Variants in NCAM1 observed in about 807,000 individuals in gnomAD.
The protein encoded by NCAM1 is neural cell adhesion molecule 1, also known as antigen recognized by monoclonal antibody 5.1H11.
In NCAM1, 14 loss-of-function variants were observed where a neutral mutation model predicts 109.8. That is an observed-to-expected ratio of 0.13 (90% CI 0.08 to 0.20). The LOEUF is 0.20. NCAM1 is among the 10% of genes least tolerant of loss of function. The pLI is 1.00. For synonymous variants in NCAM1, 418 were observed against 442.9 expected (o/e 0.94, Z 0.70); for missense variants, 774 against 1,109.9 (o/e 0.70, Z 4.30).
intron 1 of NCAM1, among the ~76,000 whole-genome samples, chr11:112,966,005 A>G (rs1051096442): frequency 2.6e-5 from 4 of 152,206 alleles, no homozygotes; most frequent in Non-Finnish European, 4.4e-5. Flanking sequence ...GCTCTCCTGC[A>G]CCAGTTCAGC....
chr11:113,264,404 C>T (rs1946090503), intron 17 of NCAM1: 1 of 985,412 alleles, frequency 1.0e-6, no homozygotes, highest in Non-Finnish European at 1.2e-6. Flanking sequence ...TCAGAGGCTC[C>T]ATGCTGCACA....
intron 1 of NCAM1, among the ~76,000 whole-genome samples, chr11:112,998,328 T>C (rs1951654767): frequency 6.6e-6 from 1 of 152,192 alleles, no homozygotes; most frequent in Admixed American, 6.5e-5. Flanking sequence ...TAGTGTCTGA[T>C]TGAGAGTCCT....
chr11:113,151,449 T>A (rs1235233199), intron 1 of NCAM1, among the ~76,000 whole-genome samples: 1 of 152,196 alleles, frequency 6.6e-6, no homozygotes, highest in East Asian at 1.9e-4. Context: ...CTGGGGAGGC[T>A]GAAAATGACT....
At chr11:113,231,397 G>T (rs1945001285) in intron 9 of NCAM1, 2 of 1,167,160 alleles carry the variant, frequency 1.7e-6, no homozygotes, top group Non-Finnish European at 2.4e-6. Context: ...CTTAGATCAG[G>T]CTGCCTGACA....
At chr11:113,078,888 C>G (rs141833432) in intron 1 of NCAM1, among the ~76,000 whole-genome samples, 1 of 152,270 alleles carries the variant, frequency 6.6e-6, no homozygotes, top group African/African-American at 2.4e-5. Context: ...TGCATGGCAA[C>G]TTGAGTTTTG....
Position 113,207,258 on chromosome 11 carries a change from C to T in NCAM1, c.629-3C>T. The T allele has an allele frequency of 1.2e-6, 2 of 1,610,954 alleles. No homozygotes were observed. Among genetic ancestry groups the T allele is most frequent in the South Asian group, 2.2e-5 (2 of 90,738 alleles). ...CACCCCATGACACCCTTTTTTCCTTCAGTGCCACCTACCATCCAGGCCAGG... is the reference window on the plus strand; with the variant it reads ...CACCCCATGACACCCTTTTTTCCTTTAGTGCCACCTACCATCCAGGCCAGG... On this transcript the variant is annotated splice_polypyrimidine_tract_variant and splice_region_variant and intron_variant, in intron 5 of 19. Transcript: ENST00000316851.
chr11:113,256,446 C>T (rs1412339313), intron 16 of NCAM1, among the ~76,000 whole-genome samples: 2 of 152,126 alleles, frequency 1.3e-5, no homozygotes, highest in Admixed American at 1.3e-4. Context: ...TACCATTATC[C>T]CCTCTTTACA....
intron 1 of NCAM1, among the ~76,000 whole-genome samples, chr11:113,107,724 C>T (rs553820477): frequency 1.3e-5 from 2 of 152,176 alleles, no homozygotes; most frequent in African/African-American, 4.8e-5. Flanking sequence ...CCCACTGGGT[C>T]CCTCCCACAA....
intron 1 of NCAM1, among the ~76,000 whole-genome samples, chr11:113,198,480 TC>T (rs1943925301): frequency 6.6e-6 from 1 of 151,952 alleles, no homozygotes; most frequent in Non-Finnish European, 1.5e-5. Context: ...CAAGCAATTC[TC>T]CTGCCTCAGT....
At chr11:112,965,985 T>C (rs373265264) in intron 1 of NCAM1, among the ~76,000 whole-genome samples, 5 of 152,278 alleles carry the variant, frequency 3.3e-5, no homozygotes, top group African/African-American at 1.2e-4. Flanking sequence ...GACAAAGACA[T>C]CTTATAAAGG....
chr11:113,249,825 G>A (rs1388553525), intron 15 of NCAM1, among the ~76,000 whole-genome samples: 1 of 152,218 alleles, frequency 6.6e-6, no homozygotes, highest in African/African-American at 2.4e-5. Flanking sequence ...GTTGGTTGCT[G>A]TTTAATTTGT....
At chr11:113,115,548 G>A (rs873803) in intron 1 of NCAM1, among the ~76,000 whole-genome samples, 8,325 of 152,210 alleles carry the variant, frequency 0.055, 318 homozygotes, top group East Asian at 0.14. Context: ...GATTCTGTAA[G>A]GGACACGGTG....
chr11:113,062,932 C>T (rs1288484781), intron 1 of NCAM1, among the ~76,000 whole-genome samples: 1 of 152,102 alleles, frequency 6.6e-6, no homozygotes, highest in Non-Finnish European at 1.5e-5. Context: ...CATACCACTG[C>T]ACTCCAGCCT....
chr11:113,246,328 C>T (rs1444157295), intron 14 of NCAM1, 40 bp from the exon 15 acceptor site: 1 of 734,648 alleles, frequency 1.4e-6, no homozygotes, highest in East Asian at 2.5e-5. Context: ...TGTCATGTGG[C>T]TTGCATGGTG....
At chr11:113,211,020 G>T (rs1372904897) in intron 7 of NCAM1, among the ~76,000 whole-genome samples, 1 of 152,138 alleles carries the variant, frequency 6.6e-6, no homozygotes, top group African/African-American at 2.4e-5. Context: ...GGAACCTGGT[G>T]CCTCTTCTCC....
Position 113,273,154 on chromosome 11 carries a change from C to A in NCAM1, c.2456+1278C>A, listed in dbSNP as rs182174195. ...GCCACCCCTTCCAAGGGGCCCAGCG[C>A]CTCTGCCCCCTCCCCGGCCCCAGCT... is the stretch of plus-strand genomic sequence containing the variant. On this transcript the variant is annotated intron_variant, in intron 19 of 19. Coordinates refer to ENST00000316851, the MANE Select transcript of NCAM1 (RefSeq NM_181351.5). The surrounding 1 kb of genome is among the most constrained non-coding windows in gnomAD (Gnocchi z 6.0). 8.3e-4 allele frequency: 351 copies of A among 424,258 alleles called. 1 individual carries two copies. Among genetic ancestry groups the A allele is most frequent in the Non-Finnish European group, 1.4e-3 (288 of 208,622 alleles). 26.3% of individuals were successfully genotyped at this position (424,258 alleles called of 1,614,324 possible). A position where few individuals can be genotyped will look rare whatever the true frequency, so the allele number is the denominator to read the frequency against.
chr11:113,184,729 G>A (rs1824025607), intron 1 of NCAM1, among the ~76,000 whole-genome samples: 1 of 152,086 alleles, frequency 6.6e-6, no homozygotes, highest in South Asian at 2.1e-4. Context: ...GACCTGCTTA[G>A]CAAATCAATA....
intron 14 of NCAM1, chr11:113,240,879 C>G (rs781967175): frequency 6.4e-7 from 1 of 1,567,726 alleles, no homozygotes; most frequent in Non-Finnish European, 8.8e-7. Flanking sequence ...TCACTTTCCA[C>G]CAGCCACAGT....
Position 113,239,163 on chromosome 11 carries a change from A to G in NCAM1, c.1825+3999A>G, listed in dbSNP as rs189818932. Reference sequence around the variant, plus strand: ...CCTGTTTGGAGGTTCCTTTGTGTGTAGTTCATGAATGTGCATGAAGGTAAT... The same window carrying G: ...CCTGTTTGGAGGTTCCTTTGTGTGTGGTTCATGAATGTGCATGAAGGTAAT... On this transcript the variant is annotated intron_variant, in intron 14 of 19. Transcript: ENST00000316851. Among the ~76,000 whole-genome samples, 737 of 152,342 alleles carry G rather than the reference A, an allele frequency of 4.8e-3. 7 individuals are homozygous for G. The highest frequency in any genetic ancestry group is 8.7e-3 in the Non-Finnish European group (595 of 68,022).
Sources: allele counts gnomAD v4.1 joint callset (sites outside exome capture counted in the v4.1 genomes callset), GRCh38; gene constraint gnomAD v4.1.1; non-coding constraint Gnocchi (gnomAD v3.1); transcripts MANE v1.5; gene names NCBI Gene and HGNC (gene_info 2026-07-23, HGNC 2026-07-21).